Variants in ATXN3 observed in about 807,000 individuals in gnomAD.
ATXN3 encodes ataxin 3, also known as ataxin-3.
In ATXN3, 28 loss-of-function variants were observed where a neutral mutation model predicts 58.2. That is an observed-to-expected ratio of 0.48 (90% CI 0.36 to 0.66). ATXN3 has a LOEUF of 0.66. ATXN3 is among the 30% of genes least tolerant of loss of function. The probability of loss-of-function intolerance (pLI) is 0.00; values close to 1 mark genes in which losing one functional copy is unlikely to be tolerated. For missense variants in ATXN3, 321 were observed against 422.1 expected (o/e 0.76, Z 2.10); for synonymous variants, 113 against 138.5 (o/e 0.82, Z 1.29).
At chr14:92,100,690 A>G (rs867672293) in intron 1 of ATXN3, among the ~76,000 whole-genome samples, 1 of 152,182 alleles carries the variant, frequency 6.6e-6, no homozygotes, top group African/African-American at 2.4e-5. Flanking sequence ...ATGATGTCAG[A>G]ATTCAGCATA....
intron 6 of ATXN3, among the ~76,000 whole-genome samples, chr14:92,086,253 CAAA>C (rs869147623): frequency 1.2e-4 from 11 of 94,922 alleles, no homozygotes; most frequent in Non-Finnish European, 1.6e-4. Context: ...ACTAAAAATA[CAAA>C]AAAAAAAAAA....
At chr14:92,086,480 G>A (rs1206876449) in intron 6 of ATXN3, among the ~76,000 whole-genome samples, 2 of 150,508 alleles carry the variant, frequency 1.3e-5, no homozygotes, top group Non-Finnish European at 3.0e-5. Context: ...CAAGAAAATC[G>A]CTTGAACCCA....
At chr14:92,083,549 C>T (rs770296185) in intron 6 of ATXN3, 8 of 495,632 alleles carry the variant, frequency 1.6e-5, no homozygotes, top group Non-Finnish European at 3.1e-5. Flanking sequence ...TAATATAGTA[C>T]TTGACTGAGC....
At chr14:92,093,342 T>C (rs2064334392) in intron 4 of ATXN3, 24 bp from the exon 5 acceptor site, 2 of 1,139,558 alleles carry the variant, frequency 1.8e-6, no homozygotes, top group East Asian at 4.9e-5. Context: ...CAGACAATAT[T>C]AACTTGAAAT....
chr14:92,072,162 A>AT (rs1340565752), intron 9 of ATXN3, among the ~76,000 whole-genome samples: 4 of 152,218 alleles, frequency 2.6e-5, no homozygotes, highest in African/African-American at 9.6e-5. Context: ...ACAAATCCCC[A>AT]TTTTAAAATG....
At chr14:92,044,881 G>T (rs1292673980) in exon 3 of ATXN3, 1 of 152,138 alleles carries the variant, frequency 6.6e-6, no homozygotes, top group South Asian at 2.1e-4. Flanking sequence ...CCAGTCCATC[G>T]AGGTTGTAGA....
Position 92,083,241 on chromosome 14 carries a change from C to T in ATXN3, c.493G>A (p.Val165Ile), listed in dbSNP as rs1382165929. 3.1e-6 allele frequency: 5 copies of T among 1,609,948 alleles called. No individual in the cohort carries two copies. The highest frequency in any genetic ancestry group is 1.7e-5 in the Admixed American group (1 of 59,204). Residue 165 changes from valine (V) to isoleucine (I), a missense_variant, in exon 7 of 11, where the codon GTT becomes ATT. Coordinates refer to ENST00000644486, the MANE Select transcript of ATXN3 (RefSeq NM_004993.6). ...TCGCAATCTGGCAGATCACCCTTAA[C>T]GACAAATATAGAATAACCTAAAAAA... ...LQQEGYSIFV[V>I]KGDLPDCEAD...
At chr14:92,057,124 G>C (rs1016445607), downstream of ATXN3, among the ~76,000 whole-genome samples, 3 of 152,166 alleles carry the variant, frequency 2.0e-5, no homozygotes, top group African/African-American at 7.2e-5. Context: ...CCCTTGTTTA[G>C]CATATCATCA....
intron 1 of ATXN3, among the ~76,000 whole-genome samples, chr14:92,097,354 A>G (rs1251854649): frequency 6.6e-6 from 1 of 151,722 alleles, no homozygotes; most frequent in African/African-American, 2.4e-5. Context: ...CAGCCTCTCA[A>G]GTAGCTGGGA....
At chr14:92,105,108 C>G (rs2141371697) in intron 1 of ATXN3, among the ~76,000 whole-genome samples, 1 of 152,230 alleles carries the variant, frequency 6.6e-6, no homozygotes, top group Middle Eastern at 3.4e-3. Context: ...GAGATGTTTT[C>G]TACAATGAAA....
Position 92,081,024 on chromosome 14 carries a change from T to A in ATXN3, c.813A>T (p.Thr271=). Residue 271 remains threonine (T), a synonymous_variant, in exon 9 of 11, where the codon ACA becomes ACT. Coordinates refer to ENST00000644486, the MANE Select transcript of ATXN3 (RefSeq NM_004993.6). ...SRNISQDMTQ[T]SGTNLTSEEL... ...CTTCTGAAGTAAGATTTGTACCTGA[T>A]GTCTGTGTCATATCTTGAGATATGT... 1 of 1,612,670 alleles carries A rather than the reference T, an allele frequency of 6.2e-7. No individual in the cohort carries two copies. Among genetic ancestry groups the A allele is most frequent in the South Asian group, 1.1e-5 (1 of 91,034 alleles).
intron 9 of ATXN3, 91 bp downstream of exon 9, chr14:92,080,874 C>T (rs1386604936): frequency 5.9e-6 from 6 of 1,025,502 alleles, no homozygotes; most frequent in Non-Finnish European, 9.0e-6. Context: ...TTCAAATATT[C>T]ACAGGATTCA....
chr14:92,101,314 G>C (rs1295064808), intron 1 of ATXN3, among the ~76,000 whole-genome samples: 1 of 152,046 alleles, frequency 6.6e-6, no homozygotes. Context: ...CCAGGTGACA[G>C]AGCAACATCA....
upstream of ATXN3, among the ~76,000 whole-genome samples, chr14:92,053,480 T>TC (rs2057455148): frequency 1.3e-5 from 2 of 151,240 alleles, 1 homozygote; most frequent in South Asian, 4.2e-4. Context: ...CTCCTTTTTT[T>TC]TTTCTTTCTT....
chr14:92,076,455 GAAAAAA>G (rs374353802), intron 9 of ATXN3, among the ~76,000 whole-genome samples: 1 of 98,542 alleles, frequency 1.0e-5, no homozygotes, highest in South Asian at 3.3e-4. Flanking sequence ...TCTCAAAAAA[GAAAAAA>G]AAAAAAAAAA....
intron 8 of ATXN3, among the ~76,000 whole-genome samples, chr14:92,081,421 C>A: frequency 7.8e-6 from 1 of 127,946 alleles, no homozygotes; most frequent in African/African-American, 2.9e-5. Context: ...TGCAGTGAGC[C>A]AAGATCACTG....
intron 1 of ATXN3, among the ~76,000 whole-genome samples, chr14:92,048,621 A>G (rs1175736711): frequency 6.6e-5 from 10 of 152,210 alleles, no homozygotes. Context: ...ACCCTTGGCT[A>G]TGCCTTCAGC....
chr14:92,090,677 T>C (rs1230627251), intron 5 of ATXN3: 1 of 152,154 alleles, frequency 6.6e-6, no homozygotes, highest in African/African-American at 2.4e-5. Context: ...TTGTCAAAGA[T>C]AACGTAATTC....
intron 5 of ATXN3, 127 bp from the exon 6 acceptor site, chr14:92,088,944 T>C (rs1451775001): frequency 4.7e-6 from 3 of 634,488 alleles, no homozygotes; most frequent in Non-Finnish European, 8.4e-6. Flanking sequence ...ATATTTCAAG[T>C]TGAGCTCTTT....
Sources: gnomAD v4.1 joint callset for allele counts (sites outside exome capture counted in the v4.1 genomes callset) on GRCh38, gnomAD v4.1.1 for gene constraint, MANE v1.5 for transcripts, NCBI Gene and HGNC (gene_info 2026-07-23, HGNC 2026-07-21) for gene names.